ARHGEF26: variants seen among roughly 807,000 people sequenced by gnomAD.
ARHGEF26 encodes Rho guanine nucleotide exchange factor 26.
ARHGEF26 carries 59 observed loss-of-function variants against 89.4 expected under a neutral mutation model. The ratio of observed to expected loss-of-function variants is 0.66; its 90% CI spans 0.54 to 0.82. ARHGEF26 has a LOEUF of 0.82. Among genes scored for constraint, ARHGEF26 ranks in the 40% least tolerant of loss-of-function variants. ARHGEF26 has a pLI of 0.00. For synonymous variants in ARHGEF26, 500 were observed against 428.4 expected (o/e 1.17, Z -2.06); for missense variants, 1,234 against 1,085.6 (o/e 1.14, Z -1.92).
intron 11 of ARHGEF26, 35 bp downstream of exon 11, chr3:154,226,045 C>G (rs758268374): frequency 6.3e-7 from 1 of 1,577,160 alleles, no homozygotes; most frequent in South Asian, 1.2e-5. Flanking sequence ...ACTAGACATT[C>G]CAGTTTTAAA....
intron 4 of ARHGEF26, among the ~76,000 whole-genome samples, chr3:154,136,419 C>G (rs1164460824): frequency 3.9e-5 from 6 of 152,078 alleles, no homozygotes; most frequent in African/African-American, 1.4e-4. Context: ...GGGCTCAGCT[C>G]TTAAAGCACA....
chr3:154,237,733 C>T (rs1269025785), intron 11 of ARHGEF26, among the ~76,000 whole-genome samples: 1 of 152,162 alleles, frequency 6.6e-6, no homozygotes, highest in Non-Finnish European at 1.5e-5. Context: ...ATTTCTTTGA[C>T]TTTTATTTCT....
intron 10 of ARHGEF26, among the ~76,000 whole-genome samples, chr3:154,222,238 CAT>C (rs1716178342): frequency 6.6e-6 from 1 of 152,074 alleles, no homozygotes; most frequent in African/African-American, 2.4e-5. Flanking sequence ...TTTTGTAGGG[CAT>C]GTGTGTGTGT....
At chr3:154,199,214 G>A (rs796272799) in intron 9 of ARHGEF26, among the ~76,000 whole-genome samples, 5 of 150,592 alleles carry the variant, frequency 3.3e-5, no homozygotes, top group Non-Finnish European at 5.9e-5. Context: ...CCCAGCCCCC[G>A]ACTACCCTTC....
At chr3:154,157,876 G>C (rs1711500008) in intron 6 of ARHGEF26, among the ~76,000 whole-genome samples, 1 of 152,110 alleles carries the variant, frequency 6.6e-6, no homozygotes, top group Non-Finnish European at 1.5e-5. Flanking sequence ...AAGCAGGTTA[G>C]AACTACAGAA....
chr3:154,224,952 T>C (rs553342574), intron 10 of ARHGEF26, among the ~76,000 whole-genome samples: 8 of 152,304 alleles, frequency 5.3e-5, no homozygotes, highest in African/African-American at 1.9e-4. Flanking sequence ...GATGTTTGAT[T>C]GCATCACATT....
rs747987825 is a variant in ARHGEF26 at position 154,122,147 on chromosome 3, C to T, written c.155C>T (p.Pro52Leu). 3.7e-6 allele frequency: 6 copies of T among 1,600,832 alleles called. No homozygotes were observed. The highest frequency in any genetic ancestry group is 1.7e-5 in the Admixed American group (1 of 58,030). The change falls in exon 2 of 15, where the codon CCG (proline) becomes CTG (leucine). Residue 52 changes from proline (P) to leucine (L), a missense_variant. Transcript: ENST00000465093. ...AACGGGTTACTAATTACGGATTTCC[C>T]GGTGGAGGACGGAGGGACGCTCCTC... ...SPNGLLITDFPVEDGGTLLAA... is the reference protein window; with the variant it reads ...SPNGLLITDFLVEDGGTLLAA...
intron 6 of ARHGEF26, among the ~76,000 whole-genome samples, chr3:154,183,962 T>C (rs1713336661): frequency 6.7e-6 from 1 of 149,454 alleles, no homozygotes; most frequent in Non-Finnish European, 1.5e-5. Context: ...GTTTCTTCTT[T>C]TTTCAATTTT....
intron 9 of ARHGEF26, among the ~76,000 whole-genome samples, chr3:154,210,614 C>T (rs1171692776): frequency 5.9e-5 from 9 of 151,814 alleles, no homozygotes; most frequent in South Asian, 2.1e-4. Context: ...TGCACCTGGC[C>T]GCCAATTGCA....
intron 1 of ARHGEF26, 86 bp from the exon 2 acceptor site, chr3:154,121,856 G>A: frequency 8.1e-7 from 1 of 1,237,860 alleles, no homozygotes; most frequent in South Asian, 1.6e-5. Context: ...GCAGCAGCAG[G>A]GGGACCGCCG....
At chr3:154,239,293 AGAGAGAGTGT>A (rs1463870609) in intron 11 of ARHGEF26, among the ~76,000 whole-genome samples, 13 of 59,030 alleles carry the variant, frequency 2.2e-4, no homozygotes, top group African/African-American at 6.3e-4. Flanking sequence ...AGAGAGAGAG[AGAGAGAGTGT>A]GTGTGTGTGT....
intron 3 of ARHGEF26, 111 bp from the exon 4 acceptor site, chr3:154,129,459 GTCTC>G (rs1374649428): frequency 5.3e-6 from 6 of 1,140,550 alleles, no homozygotes; most frequent in Non-Finnish European, 7.4e-6. Context: ...AAATCTGTTT[GTCTC>G]TCTGTTTATA....
At chr3:154,226,480 G>A (rs1050013805) in intron 11 of ARHGEF26, among the ~76,000 whole-genome samples, 1 of 152,160 alleles carries the variant, frequency 6.6e-6, no homozygotes, top group Non-Finnish European at 1.5e-5. Context: ...TGACTGGGAA[G>A]GTGTTAGCCA....
chr3:154,171,871 T>TG (rs1386830520), intron 6 of ARHGEF26, among the ~76,000 whole-genome samples: 1 of 151,484 alleles, frequency 6.6e-6, no homozygotes, highest in Admixed American at 6.6e-5. Context: ...AAGTTGGGGG[T>TG]GGGGGAGGAC....
intron 3 of ARHGEF26, among the ~76,000 whole-genome samples, chr3:154,126,226 A>G (rs981273202): frequency 6.6e-6 from 1 of 152,184 alleles, no homozygotes; most frequent in East Asian, 1.9e-4. Context: ...CATACAGAAT[A>G]TTCTGTAGTT....
At chr3:154,189,453 T>C (rs1387438995) in intron 7 of ARHGEF26, among the ~76,000 whole-genome samples, 3 of 150,316 alleles carry the variant, frequency 2.0e-5, no homozygotes, top group African/African-American at 7.3e-5. Context: ...TTCTCCTGCC[T>C]CAGCCTCCCG....
rs183393374 is a variant in ARHGEF26, at chr3:154,256,688, C to T, written c.*1215C>T. ...AATAGAAATTAGCTGGAACACACTACAGTAATCTCAAGGAAGGGAAAATTA... is the reference window on the plus strand; with the variant it reads ...AATAGAAATTAGCTGGAACACACTATAGTAATCTCAAGGAAGGGAAAATTA... On this transcript the variant is annotated 3_prime_UTR_variant, in exon 15 of 15. Transcript: ENST00000465093. The T allele has an allele frequency of 1.7e-5, 22 of 1,274,918 alleles. No homozygotes were observed. The African/African-American group carries it at 3.3e-4, about 19-fold the overall frequency. The allele number at this position is 1,274,918 out of a possible 1,614,324, so 79.0% of individuals were successfully genotyped here. A position where few individuals can be genotyped will look rare whatever the true frequency, so the allele number is the denominator to read the frequency against.
At chr3:154,137,842 A>G (rs1719110677) in intron 4 of ARHGEF26, among the ~76,000 whole-genome samples, 1 of 151,708 alleles carries the variant, frequency 6.6e-6, no homozygotes, top group Non-Finnish European at 1.5e-5. Context: ...GAAGAGAAGA[A>G]GAAGAATTGG....
intron 11 of ARHGEF26, among the ~76,000 whole-genome samples, chr3:154,232,420 A>G (rs1332426564): frequency 6.6e-6 from 1 of 152,176 alleles, no homozygotes; most frequent in Non-Finnish European, 1.5e-5. Context: ...TGAGGAACTG[A>G]GCAAGTAAGC....
Sources: gnomAD v4.1 joint callset for allele counts (sites outside exome capture counted in the v4.1 genomes callset) on GRCh38, gnomAD v4.1.1 for gene constraint, MANE v1.5 for transcripts, NCBI Gene and HGNC (gene_info 2026-07-23, HGNC 2026-07-21) for gene names.